The following LPIN1 variants were observed in gnomAD, a reference collection of about 807,000 sequenced individuals.
LPIN1 encodes the protein phosphatidate phosphatase LPIN1.
LPIN1 carries 71 observed loss-of-function variants against 107.5 expected under a neutral mutation model. That is an observed-to-expected ratio of 0.66 (90% confidence interval 0.55 to 0.80). The LOEUF (loss-of-function observed/expected upper bound fraction) is 0.80, where lower values mean the gene tolerates loss of function less well. LPIN1 is among the 30% of genes least tolerant of loss of function. The pLI is 0.00. For missense variants in LPIN1, 1,043 were observed against 1,160.6 expected (o/e 0.90, Z 1.47); for synonymous variants, 445 against 452.6 (o/e 0.98, Z 0.21).
At chr2:11,785,933 A>C (rs1364498375) in intron 10 of LPIN1, among the ~76,000 whole-genome samples, 3 of 152,146 alleles carry the variant, frequency 2.0e-5, no homozygotes, top group Non-Finnish European at 4.4e-5. Context: ...GGCTCCATTC[A>C]TTCACTCAGT....
At position 11,783,934 on chromosome 2, in the gene LPIN1, G is replaced by A. The variant is rs752973418; in HGVS notation, c.1358+12G>A. Reference sequence around the variant, plus strand: ...TATTTTCCCAAAAAGTAAAATTCCTGTTAATTCCTCACATCATTTCCTATA... The same window carrying A: ...TATTTTCCCAAAAAGTAAAATTCCTATTAATTCCTCACATCATTTCCTATA... On this transcript the variant is annotated intron_variant, in intron 9 of 20. Transcript: ENST00000674199. The A allele has an allele frequency of 2.6e-4, 422 of 1,613,770 alleles. No homozygotes were observed. The highest frequency in any genetic ancestry group is 2.2e-4 in the Non-Finnish European group (259 of 1,179,830).
In LPIN1 at chr2:11,786,315, G is replaced by A. The variant is rs575373882; in HGVS notation, c.1550-759G>A. Among the ~76,000 whole-genome samples the A allele has an allele frequency of 3.3e-5, 5 of 152,256 alleles. No homozygotes were observed. The highest frequency in any genetic ancestry group is 9.6e-5 in the African/African-American group (4 of 41,546). ...CAGTGTCTGATGTCTGCTGGGTTTC[G>A]GTTCGGTTCAGGGTAAATAGGAGCT... On this transcript the variant is annotated intron_variant, in intron 10 of 20. Transcript: ENST00000674199. This position sits in a 1 kb window ranked among gnomAD's most constrained non-coding sequence, Gnocchi z 4.1.
At chr2:11,715,653 G>T (rs534696028) in intron 2 of LPIN1, among the ~76,000 whole-genome samples, 1 of 152,156 alleles carries the variant, frequency 6.6e-6, no homozygotes, top group Non-Finnish European at 1.5e-5. Context: ...TTGTGTGGGT[G>T]GGGGGTTCAG....
intron 17 of LPIN1, among the ~76,000 whole-genome samples, chr2:11,812,593 C>G (rs780279749): frequency 6.6e-6 from 1 of 151,828 alleles, no homozygotes; most frequent in Non-Finnish European, 1.5e-5. Context: ...ATGAGCGTGG[C>G]GAGTTGGAGG....
chr2:11,699,944 A>C (rs891727324), intron 1 of LPIN1, among the ~76,000 whole-genome samples: 1 of 152,230 alleles, frequency 6.6e-6, no homozygotes, highest in Non-Finnish European at 1.5e-5. Context: ...CAATTAAAAA[A>C]AAAATGGGAT....
intron 1 of LPIN1, among the ~76,000 whole-genome samples, chr2:11,754,037 T>C (rs1572583417): frequency 6.6e-6 from 1 of 152,124 alleles, no homozygotes; most frequent in Admixed American, 6.5e-5. Flanking sequence ...GCTAGGGCAG[T>C]GAGCAGGAAG....
chr2:11,822,444 C>T (rs924082065), intron 20 of LPIN1, among the ~76,000 whole-genome samples: 1 of 149,662 alleles, frequency 6.7e-6, no homozygotes, highest in African/African-American at 2.5e-5. Context: ...AGTGAGACTC[C>T]ATCTAAAAAA....
chr2:11,822,109 G>A (rs2148737255), intron 20 of LPIN1, among the ~76,000 whole-genome samples: 1 of 152,082 alleles, frequency 6.6e-6, no homozygotes, highest in East Asian at 1.9e-4. Flanking sequence ...ATAAAGACAT[G>A]GACCCAAGGC....
chr2:11,711,211 A>G (rs1442164277), intron 1 of LPIN1, among the ~76,000 whole-genome samples: 1 of 152,192 alleles, frequency 6.6e-6, no homozygotes, highest in Non-Finnish European at 1.5e-5. Context: ...TTTGGGTTGG[A>G]TGGTCCAGAA....
In LPIN1 at chr2:11,803,299, C is replaced by G. The variant is rs1171596415; in HGVS notation, c.2013+266C>G. On this transcript the variant is annotated intron_variant, in intron 15 of 20. Transcript: ENST00000674199. The surrounding 1 kb of genome is among the most constrained non-coding windows in gnomAD (Gnocchi z 4.2). The stretch of plus-strand genomic sequence containing the variant: ...TTTACTAGAGTTAGGAGGAAGGCAG[C>G]CTGGCGGAGCTAATTCGTCCTAAGG... Among the ~76,000 whole-genome samples, 1 of 152,144 alleles carries G rather than the reference C, an allele frequency of 6.6e-6. No homozygotes were observed. The highest frequency in any genetic ancestry group is 1.5e-5 in the Non-Finnish European group (1 of 68,032).
rs1386082845 is a variant in LPIN1, at chr2:11,804,493, G to A, written c.2084G>A (p.Cys695Tyr). Residue 695 changes from cysteine to tyrosine, a missense_variant, in exon 16 of 21, where the codon TGC (cysteine) becomes TAC (tyrosine). By Grantham distance (194) the Cys-to-Tyr change is radical. Transcript: ENST00000674199. ...FSVTTQYQGT[C>Y]RCEGTIYLWN... is the part of the protein sequence containing the mutation. ...GTCACCACGCAGTACCAAGGCACGT[G>A]CCGCTGTGAGGGCACCATCTATCTG... The A allele has an allele frequency of 9.9e-6, 16 of 1,614,190 alleles. No homozygotes were observed. The highest frequency in any genetic ancestry group is 1.4e-5 in the Non-Finnish European group (16 of 1,180,020).
At chr2:11,731,590 A>C (rs948220088) in intron 1 of LPIN1, among the ~76,000 whole-genome samples, 2 of 152,250 alleles carry the variant, frequency 1.3e-5, no homozygotes, top group Admixed American at 6.5e-5. Context: ...GTATATACCC[A>C]GGAATGAGAT....
chr2:11,687,874 AGTTTATG>A (rs1662085859), intron 1 of LPIN1, among the ~76,000 whole-genome samples: 1 of 152,242 alleles, frequency 6.6e-6, no homozygotes, highest in Non-Finnish European at 1.5e-5. Flanking sequence ...AAGTCTCTGC[AGTTTATG>A]GTCTGCATGG....
chr2:11,824,671 GT>G lies in LPIN1; in HGVS notation c.2663del (p.Leu888CysfsTer2). 1 of 1,614,032 alleles carries G rather than the reference GT, an allele frequency of 6.2e-7. No individual in the cohort carries two copies. The highest frequency in any genetic ancestry group is 8.5e-7 in the Non-Finnish European group (1 of 1,180,002). On this transcript the variant is annotated frameshift_variant, in exon 21 of 21. Coordinates refer to ENST00000674199, the MANE Select transcript of LPIN1 (RefSeq NM_001349206.2). LOFTEE classifies it high-confidence loss of function. ...GTGAAGTAGTCGACCACGTTTTCCC[GT>G]TGCTGAAAAGAAGCCATTCTTCAGA... Reference protein sequence around the residue: ...LCEVVDHVFPLLKRSHSSDFP... With the variant: ...LCEVVDHVFPXLKRSHSSDFP...
Position 11,765,615 on chromosome 2 carries a change from C to T in LPIN1, c.74C>T (p.Ala25Val). Reference sequence around the variant, plus strand: ...GAGCTCTACAAGGGGCTGAATCCCGCCACACTCTCAGGGTGCATTGACATC... The same window carrying T: ...GAGCTCTACAAGGGGCTGAATCCCGTCACACTCTCAGGGTGCATTGACATC... ...VKELYKGLNP[A>V]TLSGCIDIIV... Residue 25 changes from alanine to valine, a missense_variant, in exon 2 of 21, where the codon GCC (alanine) becomes GTC (valine). By Grantham distance (64) the Ala-to-Val change is moderately conservative. Coordinates refer to ENST00000674199, the MANE Select transcript of LPIN1 (RefSeq NM_001349206.2). This position sits in a 1 kb window ranked among gnomAD's most constrained non-coding sequence, Gnocchi z 4.4. 1 of 1,614,166 alleles carries T rather than the reference C, an allele frequency of 6.2e-7. No homozygotes were observed.
chr2:11,719,992 T>G (rs1664014911), upstream of LPIN1, among the ~76,000 whole-genome samples: 1 of 152,172 alleles, frequency 6.6e-6, no homozygotes, highest in Non-Finnish European at 1.5e-5. Context: ...CTCCCTTTTA[T>G]CATTCCCTTC....
chr2:11,712,901 G>T (rs978887681), intron 1 of LPIN1, among the ~76,000 whole-genome samples: 4 of 152,188 alleles, frequency 2.6e-5, no homozygotes, highest in African/African-American at 9.6e-5. Flanking sequence ...CTAGGATAAC[G>T]CCATGCCAAC....
rs1369438595 is a variant in LPIN1 at position 11,786,122 on chromosome 2, G to T, written c.1550-952G>T. ...CGTTATCTGAGTGTTATCTCATGGG[G>T]CCAGGATCTGCAGCTGTCCAGTCCT... is the stretch of plus-strand genomic sequence containing the variant. On this transcript the variant is annotated intron_variant, in intron 10 of 20. Coordinates refer to ENST00000674199, the MANE Select transcript of LPIN1 (RefSeq NM_001349206.2). The surrounding 1 kb of genome is among the most constrained non-coding windows in gnomAD (Gnocchi z 4.1). 6.6e-6 allele frequency among the ~76,000 whole-genome samples: 1 copy of T among 152,092 alleles called. No homozygotes were observed. The highest frequency in any genetic ancestry group is 1.5e-5 in the Non-Finnish European group (1 of 68,026).
intron 1 of LPIN1, among the ~76,000 whole-genome samples, chr2:11,730,952 AT>A (rs1307010471): frequency 1.3e-5 from 2 of 152,160 alleles, no homozygotes; most frequent in Non-Finnish European, 2.9e-5. Context: ...AGGGGCAGAA[AT>A]TCTCTGCTGT....
Sources: allele counts gnomAD v4.1 joint callset (sites outside exome capture counted in the v4.1 genomes callset), GRCh38; gene constraint gnomAD v4.1.1; non-coding constraint Gnocchi (gnomAD v3.1); transcripts MANE v1.5; gene names NCBI Gene and HGNC (gene_info 2026-07-23, HGNC 2026-07-21).